Variants in MED23 observed in about 807,000 individuals in gnomAD.
The protein encoded by MED23 is mediator complex subunit 23.
In MED23, 105 loss-of-function variants were observed where a neutral mutation model predicts 163.9. The observed-to-expected ratio is 0.64, with a 90% CI of 0.55 to 0.75. The LOEUF (loss-of-function observed/expected upper bound fraction) is 0.75, where lower values mean the gene tolerates loss of function less well. Ranked by LOEUF, MED23 falls within the 30% of genes least tolerant of loss-of-function variation. MED23 has a pLI of 0.00. For missense variants in MED23, 1,054 were observed against 1,649.0 expected (o/e 0.64, Z 6.25); for synonymous variants, 561 against 565.6 (o/e 0.99, Z 0.12).
At chr6:131,592,081 T>G in intron 25 of MED23, 1 of 392,746 alleles carries the variant, frequency 2.5e-6, no homozygotes, top group Non-Finnish European at 4.6e-6. Flanking sequence ...ATACAACACG[T>G]TAAGTGGCCA....
At position 131,595,978 on chromosome 6, in the gene MED23, C is replaced by T. The variant is rs1179308036; in HGVS notation, c.2964G>A (p.Leu988=). ...ATTTATATAAGCCTCCTAGATGATC[C>T]AGTAGAGTCTCCAGTGATTTGGATA... ...LPVSKSLETL[L]DHLGGLYKFH... Residue 988 remains leucine (L), a synonymous_variant, in exon 22 of 29, where the codon CTG becomes CTA. Coordinates refer to ENST00000368068, the MANE Select transcript of MED23 (RefSeq NM_004830.4). 3 of 1,613,778 alleles carry T rather than the reference C, an allele frequency of 1.9e-6. No homozygotes were observed. The highest frequency in any genetic ancestry group is 2.5e-6 in the Non-Finnish European group (3 of 1,179,932).
chr6:131,622,098 C>A (rs1219836066), intron 5 of MED23, 119 bp from the exon 6 acceptor site: 9 of 673,958 alleles, frequency 1.3e-5, no homozygotes, highest in Non-Finnish European at 2.4e-5. Flanking sequence ...TTTTCTGAAT[C>A]AGTTACAATC....
At chr6:131,584,605 T>C (rs1249834997), downstream of MED23, among the ~76,000 whole-genome samples, 3 of 152,162 alleles carry the variant, frequency 2.0e-5, no homozygotes, top group Admixed American at 6.6e-5. Flanking sequence ...TAGATGTCCA[T>C]GTTTTACTTT....
chr6:131,592,485 A>C, intron 24 of MED23, 25 bp from the exon 25 acceptor site: 1 of 1,603,368 alleles, frequency 6.2e-7, no homozygotes, highest in Non-Finnish European at 8.5e-7. Flanking sequence ...AAAGAATGTA[A>C]GTATGAATTT....
chr6:131,594,122 C>T lies in MED23; in HGVS notation c.3209G>A (p.Arg1070Lys), dbSNP rs776808576. 3.7e-6 allele frequency: 6 copies of T among 1,613,996 alleles called. No individual in the cohort carries two copies. The South Asian group carries it at 6.6e-5, about 18-fold the overall frequency. The change falls in exon 23 of 29, where the codon AGA becomes AAA. Residue 1070 changes from arginine (R) to lysine (K), a missense_variant. Transcript: ENST00000368068. ...ATTATCGACTAGTCTGCCAATCAAT[C>T]TGCAATAGTAGGTGTCATCTGGAAC... is the stretch of plus-strand genomic sequence containing the variant. ...PWVPDDTYYC[R>K]LIGRLVDTMA...
At chr6:131,577,074 G>A (rs548987949) in intron 30 of MED23, among the ~76,000 whole-genome samples, 1 of 152,288 alleles carries the variant, frequency 6.6e-6, no homozygotes, top group East Asian at 1.9e-4. Flanking sequence ...CTACTAGCAA[G>A]AGGACCCCTA....
Position 131,608,068 on chromosome 6 carries a change from C to G in MED23, c.1081G>C (p.Ala361Pro). 1 of 1,613,630 alleles carries G rather than the reference C, an allele frequency of 6.2e-7. No individual in the cohort carries two copies. The highest frequency in any genetic ancestry group is 8.5e-7 in the Non-Finnish European group (1 of 1,179,776). Reference protein sequence around the residue: ...HMVLSLHQKLAGRGLIKGRDH... With the variant: ...HMVLSLHQKLPGRGLIKGRDH... Reference sequence around the variant, plus strand: ...CTGCCTTTAATCAGTCCTCGCCCTGCTAACTATAAAAGATGTTTAAATACA... The same window carrying G: ...CTGCCTTTAATCAGTCCTCGCCCTGGTAACTATAAAAGATGTTTAAATACA... The change falls in exon 12 of 29, where the codon GCA becomes CCA. Residue 361 changes from alanine (A) to proline (P), a missense_variant. This residue lies in a region of MED23 where 61 missense variants were observed against 154.2 expected (regional missense o/e 0.40). Coordinates refer to ENST00000368068, the MANE Select transcript of MED23 (RefSeq NM_004830.4).
In MED23 at chr6:131,610,112, C is replaced by A; in HGVS notation, c.1011G>T (p.Gln337His). 1 of 1,614,046 alleles carries A rather than the reference C, an allele frequency of 6.2e-7. No individual in the cohort carries two copies. Among genetic ancestry groups the A allele is most frequent in the Non-Finnish European group, 8.5e-7 (1 of 1,179,948 alleles). ...SQLLWQHLSS[Q>H]LIFFVLFQFA... is the part of the protein sequence containing the mutation. ...ACTGGAAAAGCACAAAGAAAATGAG[C>A]TGACTTGAGAGATGCTGCCACAGGA... Residue 337 changes from glutamine (Q) to histidine (H), a missense_variant, in exon 11 of 29, where the codon CAG becomes CAT. Coordinates refer to ENST00000368068, the MANE Select transcript of MED23 (RefSeq NM_004830.4).
chr6:131,590,058 C>A (rs1562368575), intron 27 of MED23, among the ~76,000 whole-genome samples: 1 of 152,188 alleles, frequency 6.6e-6, no homozygotes. Context: ...AGCTCCTCTG[C>A]ACTGTAAGAT....
downstream of MED23, chr6:131,584,364 A>G (rs1240947833): frequency 1.6e-5 from 1 of 62,032 alleles, no homozygotes; most frequent in Non-Finnish European, 2.9e-5. Flanking sequence ...AATACATGCA[A>G]CACACACACA....
In MED23 at chr6:131,608,017, G is replaced by T. The variant is rs770689010; in HGVS notation, c.1132C>A (p.Gln378Lys). 6.2e-7 allele frequency: 1 copy of T among 1,613,824 alleles called. No homozygotes were observed. Among genetic ancestry groups the T allele is most frequent in the African/African-American group, 1.3e-5 (1 of 75,026 alleles). ...TTCTGAATACTTCCAGAAATGAATT[G>T]CAGGAGAACCCACATAAGATGATCT... is the stretch of plus-strand genomic sequence containing the variant. Reference protein sequence around the residue: ...GRDHLMWVLLQFISGSIQKNA... With the variant: ...GRDHLMWVLLKFISGSIQKNA... The change falls in exon 12 of 29, where the codon CAA becomes AAA. Residue 378 changes from glutamine (Q) to lysine (K), a missense_variant. Gln to Lys is a moderately conservative substitution (Grantham distance 53, BLOSUM62 1). This residue lies in a region of MED23 where 61 missense variants were observed against 154.2 expected (regional missense o/e 0.40). Coordinates refer to ENST00000368068, the MANE Select transcript of MED23 (RefSeq NM_004830.4).
chr6:131,600,149 G>A lies in MED23; in HGVS notation c.2109C>T (p.Gly703=). The change falls in exon 18 of 29, where the codon GGC becomes GGT. Residue 703 remains glycine, a synonymous_variant. Transcript: ENST00000368068. ...ACCAAGTTCCCTGAATTGAATCAGA[G>A]CCTGTAAAAAAATCTAAACATAAAC... ...RATHVTDFFT[G]SDSIQGTWCK... 1 of 1,609,594 alleles carries A rather than the reference G, an allele frequency of 6.2e-7. No individual in the cohort carries two copies. The highest frequency in any genetic ancestry group is 8.5e-7 in the Non-Finnish European group (1 of 1,176,018).
intron 28 of MED23, 134 bp downstream of exon 28, chr6:131,589,331 T>C: frequency 1.3e-6 from 1 of 776,920 alleles, no homozygotes; most frequent in Non-Finnish European, 2.1e-6. Context: ...AAAGGTCTCA[T>C]ACCCACCCTT....
chr6:131,576,626 GATA>G (rs1231721458), intron 30 of MED23: 1 of 1,571,602 alleles, frequency 6.4e-7, no homozygotes, highest in Non-Finnish European at 8.8e-7. Flanking sequence ...TGATGGTCAT[GATA>G]ATGTCTGAAG....
chr6:131,621,034 T>C (rs1777060791), intron 6 of MED23, among the ~76,000 whole-genome samples: 1 of 152,130 alleles, frequency 6.6e-6, no homozygotes, highest in Non-Finnish European at 1.5e-5. Context: ...AACAATGGGC[T>C]TAAATGAGCC....
chr6:131,622,017 G>A (rs773203363), intron 5 of MED23, 38 bp from the exon 6 acceptor site: 1 of 1,427,294 alleles, frequency 7.0e-7, no homozygotes, highest in Non-Finnish European at 9.9e-7. Flanking sequence ...AAATTAAGTA[G>A]TGTCTACTGT....
rs775015779 is a variant in MED23, at chr6:131,627,688, AAAC to A, written c.40-19_40-17del. On this transcript the variant is annotated splice_polypyrimidine_tract_variant and intron_variant, in intron 1 of 28. Transcript: ENST00000368068. The stretch of plus-strand genomic sequence containing the variant: ...CTTCCGTTTTCTGTAAAAAAAAAAA[AAAC>A]AAAATGTAAACAATGTTAATTTTAA... 2 of 1,601,638 alleles carry A rather than the reference AAAC, an allele frequency of 1.2e-6. No individual in the cohort carries two copies. The highest frequency in any genetic ancestry group is 8.5e-7 in the Non-Finnish European group (1 of 1,175,134).
rs1271867230 is a variant in MED23, at chr6:131,623,427, A to G, written c.320T>C (p.Leu107Pro). 1 of 1,614,168 alleles carries G rather than the reference A, an allele frequency of 6.2e-7. No individual in the cohort carries two copies. The highest frequency in any genetic ancestry group is 8.5e-7 in the Non-Finnish European group (1 of 1,180,010). Residue 107 changes from leucine to proline, a missense_variant, in exon 5 of 29, where the codon CTT (leucine) becomes CCT (proline). Coordinates refer to ENST00000368068, the MANE Select transcript of MED23 (RefSeq NM_004830.4). ...CCAAAGCTGTGTTCTTTCCCACTCA[A>G]GAGTGTCAGAGTTTATCAGGGATTC... is the stretch of plus-strand genomic sequence containing the variant. ...VCESLINSDT[L>P]EWERTQLWAL...
rs561540722 is a variant in MED23, at chr6:131,581,500, T to G, written c.4095+6209A>C. On this transcript the variant is annotated intron_variant, in intron 30 of 30. Transcript: ENST00000354577. ...TGGTGTAATCTCAAATCATTTTCTC[T>G]GCAGCCAATAAGCAAAGGGTTGGTT... 7.3e-4 allele frequency: 884 copies of G among 1,203,928 alleles called. 4 individuals carry two copies. The highest frequency in any genetic ancestry group is 9.5e-4 in the Non-Finnish European group (803 of 848,188). 74.6% of individuals were successfully genotyped at this position (1,203,928 alleles called of 1,614,324 possible). A position where few individuals can be genotyped will look rare whatever the true frequency, so the allele number is the denominator to read the frequency against.
Sources: allele counts gnomAD v4.1 joint callset (sites outside exome capture counted in the v4.1 genomes callset), GRCh38; gene constraint gnomAD v4.1.1; regional missense constraint gnomAD v4.1.1; transcripts MANE v1.5; gene names NCBI Gene and HGNC (gene_info 2026-07-23, HGNC 2026-07-21).